ST3GAL5: variants seen among roughly 807,000 people sequenced by gnomAD.
The protein encoded by ST3GAL5 is lactosylceramide alpha-2,3-sialyltransferase.
A neutral mutation model predicts 46.1 loss-of-function variants in ST3GAL5; 25 were observed. That is an observed-to-expected ratio of 0.54 (90% CI 0.40 to 0.76). The LOEUF is 0.76. Among genes scored for constraint, ST3GAL5 ranks in the 30% least tolerant of loss-of-function variants. The pLI, the probability that ST3GAL5 is intolerant of heterozygous loss-of-function variation, is 0.00. For synonymous variants in ST3GAL5, 182 were observed against 192.7 expected (o/e 0.94, Z 0.46); for missense variants, 431 against 521.2 (o/e 0.83, Z 1.69).
At chr2:85,866,772 C>A (rs1008299828) in intron 1 of ST3GAL5, among the ~76,000 whole-genome samples, 1 of 152,220 alleles carries the variant, frequency 6.6e-6, no homozygotes, top group African/African-American at 2.4e-5. Flanking sequence ...GAGGAATGAG[C>A]TGCAGAGCCA....
chr2:85,867,902 C>G (rs964894015), intron 1 of ST3GAL5: 4 of 541,400 alleles, frequency 7.4e-6, no homozygotes, highest in Non-Finnish European at 1.0e-5. Context: ...GATTAGCATC[C>G]AAGATGGCAT....
chr2:85,851,313 A>G, intron 3 of ST3GAL5: 1 of 1,162,160 alleles, frequency 8.6e-7, no homozygotes, highest in South Asian at 1.8e-5. Context: ...ATGCAGTAGT[A>G]AATCCTGAGT....
chr2:85,870,189 C>T (rs936634149), intron 1 of ST3GAL5: 4 of 470,490 alleles, frequency 8.5e-6, no homozygotes, highest in African/African-American at 6.0e-5. Flanking sequence ...TTTGTCTTGT[C>T]TCCCCCACTA....
chr2:85,869,415 T>C (rs1049302470), intron 1 of ST3GAL5, among the ~76,000 whole-genome samples: 4 of 151,288 alleles, frequency 2.6e-5, no homozygotes, highest in Non-Finnish European at 4.4e-5. Context: ...CTGAATTCCA[T>C]ACATTACCAG....
intron 3 of ST3GAL5, chr2:85,851,458 T>C (rs1683496287): frequency 8.0e-7 from 1 of 1,247,058 alleles, no homozygotes; most frequent in African/African-American, 1.5e-5. Context: ...CAGAACTCCA[T>C]CTCATAGCCA....
rs114493375 is a variant in ST3GAL5, at chr2:85,852,290, G to C, written c.319-4086C>G. Among the ~76,000 whole-genome samples the C allele has an allele frequency of 5.1e-3, 782 of 152,312 alleles. 8 individuals are homozygous for C. The highest frequency in any genetic ancestry group is 0.017 in the African/African-American group (715 of 41,560). ...GATCACGTGATCTGGGGGCATCAGT[G>C]ACCTTGTGGAACTTTCATTTCCCAC... On this transcript the variant is annotated intron_variant, in intron 3 of 6. Transcript: ENST00000638572.
chr2:85,884,365 T>C (rs1687524047), intron 1 of ST3GAL5, among the ~76,000 whole-genome samples: 1 of 152,228 alleles, frequency 6.6e-6, no homozygotes. Flanking sequence ...ATTTACATAG[T>C]GTGCAGCTGT....
At chr2:85,842,770 T>A (rs1682298035) in intron 6 of ST3GAL5, among the ~76,000 whole-genome samples, 1 of 151,944 alleles carries the variant, frequency 6.6e-6, no homozygotes, top group Non-Finnish European at 1.5e-5. Context: ...ATCTTTTTTT[T>A]TTTTTTTTAA....
chr2:85,875,200 G>A (rs775910673), intron 1 of ST3GAL5, among the ~76,000 whole-genome samples: 1 of 151,938 alleles, frequency 6.6e-6, no homozygotes, highest in Non-Finnish European at 1.5e-5. Flanking sequence ...TAGGACGATA[G>A]GTGTATACCA....
Position 85,846,456 on chromosome 2 carries a change from G to T in ST3GAL5, c.770C>A (p.Ser257Tyr). Residue 257 changes from serine (S) to tyrosine (Y), a missense_variant, in exon 5 of 7, where the codon TCC becomes TAC. Ser to Tyr is a moderately radical substitution (Grantham distance 144). Coordinates refer to ENST00000638572, the MANE Select transcript of ST3GAL5 (RefSeq NM_003896.4). ...TAAAACAGCAACAAATAAGTCATTG[G>T]AATAATATTCAAGGTCAGACAGTGG... ...GAPLSDLEYY[S>Y]NDLFVAVLFK... 1.2e-6 allele frequency: 2 copies of T among 1,614,176 alleles called. No individual in the cohort carries two copies. The highest frequency in any genetic ancestry group is 1.7e-6 in the Non-Finnish European group (2 of 1,180,030).
intron 1 of ST3GAL5, among the ~76,000 whole-genome samples, chr2:85,882,487 T>C (rs1687271918): frequency 6.6e-6 from 1 of 152,146 alleles, no homozygotes; most frequent in South Asian, 2.1e-4. Flanking sequence ...TTACCTCTTG[T>C]ATCAGCATGA....
intron 2 of ST3GAL5, among the ~76,000 whole-genome samples, chr2:85,862,506 A>T (rs1050099490): frequency 2.6e-5 from 4 of 152,054 alleles, no homozygotes; most frequent in Admixed American, 2.6e-4. Flanking sequence ...ATTTAAAAAA[A>T]AAATAAAAGA....
At position 85,886,397 on chromosome 2, in the gene ST3GAL5, G is replaced by C. The variant is rs1687766658; in HGVS notation, c.82+2427C>G. Among the ~76,000 whole-genome samples, 3 of 152,194 alleles carry C rather than the reference G, an allele frequency of 2.0e-5. No homozygotes were observed. In the South Asian group the frequency reaches 6.2e-4, roughly 32 times the overall value. ...CTGATCCTGGGGGAGGCCGCGACTG[G>C]AGTACAACACAAGGGGAGCTCCCAG... On this transcript the variant is annotated intron_variant, in intron 1 of 6. Coordinates refer to ENST00000638572, the MANE Select transcript of ST3GAL5 (RefSeq NM_003896.4).
At chr2:85,878,341 T>C (rs1269008295) in intron 1 of ST3GAL5, among the ~76,000 whole-genome samples, 1 of 152,252 alleles carries the variant, frequency 6.6e-6, no homozygotes, top group African/African-American at 2.4e-5. Flanking sequence ...GTCTGTATTC[T>C]GTCAGCCTCT....
At chr2:85,853,081 G>A in intron 3 of ST3GAL5, 1 of 1,304,172 alleles carries the variant, frequency 7.7e-7, no homozygotes, top group African/African-American at 1.5e-5. Context: ...CCATCCGCAG[G>A]GAGATAAGGT....
intron 3 of ST3GAL5, chr2:85,851,308 G>A (rs1573609704): frequency 8.6e-7 from 1 of 1,156,116 alleles, no homozygotes; most frequent in South Asian, 1.8e-5. Context: ...AGTGGATGCA[G>A]TAGTAAATCC....
chr2:85,850,911 CTTTTTTTTTCTTTT>C (rs1558659589), intron 3 of ST3GAL5: 1 of 139,078 alleles, frequency 7.2e-6, no homozygotes, highest in African/African-American at 2.5e-5. Context: ...TAATTTTCTT[CTTTTTTTTTCTTTT>C]TTTTTTTTTG....
chr2:85,879,469 G>A (rs890768342), intron 1 of ST3GAL5, among the ~76,000 whole-genome samples: 1 of 152,186 alleles, frequency 6.6e-6, no homozygotes, highest in Non-Finnish European at 1.5e-5. Context: ...AGCAAGACAT[G>A]ACACTAGGGG....
rs771210773 is a variant in ST3GAL5, at chr2:85,848,192, A to G, written c.331T>C (p.Tyr111His). Residue 111 changes from tyrosine (Y) to histidine (H), a missense_variant, in exon 4 of 7, where the codon TAT (tyrosine) becomes CAT (histidine). Coordinates refer to ENST00000638572, the MANE Select transcript of ST3GAL5 (RefSeq NM_003896.4). Reference sequence around the variant, plus strand: ...TCCTTCTGCAAGACTTGCTGAGCATATTTCTGAGCTCTCTGGAATGAAATC... The same window carrying G: ...TCCTTCTGCAAGACTTGCTGAGCATGTTTCTGAGCTCTCTGGAATGAAATC... ...DPDHVKRAQKYAQQVLQKECR... is the reference protein window; with the variant it reads ...DPDHVKRAQKHAQQVLQKECR... 5 of 1,614,194 alleles carry G rather than the reference A, an allele frequency of 3.1e-6. No homozygotes were observed. Among genetic ancestry groups the G allele is most frequent in the Non-Finnish European group, 4.2e-6 (5 of 1,180,010 alleles).
Sources: allele counts gnomAD v4.1 joint callset (sites outside exome capture counted in the v4.1 genomes callset), GRCh38; gene constraint gnomAD v4.1.1; transcripts MANE v1.5; gene names NCBI Gene and HGNC (gene_info 2026-07-23, HGNC 2026-07-21).